Variants in SLC39A11 observed in about 807,000 individuals in gnomAD.
The protein encoded by SLC39A11 is zinc transporter ZIP11.
In SLC39A11, 33 loss-of-function variants were observed where a neutral mutation model predicts 36.1. That is an observed-to-expected ratio of 0.91 (90% CI 0.69 to 1.22). The LOEUF is 1.22. Ranked by LOEUF, SLC39A11 falls within the 50% of genes most tolerant of loss-of-function variation. SLC39A11 has a pLI of 0.00. For synonymous variants in SLC39A11, 166 were observed against 170.3 expected, an observed-to-expected ratio of 0.97 and a Z score of 0.20; for missense variants, 432 against 430.3, an observed-to-expected ratio of 1.00 and a Z score of -0.03.
intron 5 of SLC39A11, among the ~76,000 whole-genome samples, chr17:72,917,255 G>A (rs2083384936): frequency 6.6e-6 from 1 of 152,242 alleles, no homozygotes; most frequent in East Asian, 1.9e-4. Context: ...GTTGGGCCCT[G>A]AAATCATTCT....
chr17:72,659,218 C>A (rs947939524), intron 7 of SLC39A11, among the ~76,000 whole-genome samples: 3 of 152,164 alleles, frequency 2.0e-5, no homozygotes, highest in African/African-American at 7.2e-5. Context: ...CAGCAAAAGA[C>A]CTGCCTGCAA....
chr17:72,847,704 C>CA (rs964551968), intron 6 of SLC39A11, among the ~76,000 whole-genome samples: 2 of 151,520 alleles, frequency 1.3e-5, no homozygotes, highest in African/African-American at 2.4e-5. Flanking sequence ...TTAAAGACGA[C>CA]AAAAAAAAGT....
intron 7 of SLC39A11, among the ~76,000 whole-genome samples, chr17:72,734,736 G>C (rs978856051): frequency 1.3e-5 from 2 of 152,220 alleles, no homozygotes; most frequent in Non-Finnish European, 2.9e-5. Flanking sequence ...TGCCACCAGA[G>C]AGCCTGGCCT....
At chr17:72,686,798 A>C (rs1233937676) in intron 7 of SLC39A11, among the ~76,000 whole-genome samples, 1 of 152,184 alleles carries the variant, frequency 6.6e-6, no homozygotes, top group Non-Finnish European at 1.5e-5. Flanking sequence ...AAAAGATTTA[A>C]ATTAGAGTAT....
In SLC39A11 at chr17:72,779,019, C is replaced by G. The variant is rs111623079; in HGVS notation, c.602-42300G>C. Among the ~76,000 whole-genome samples the G allele has an allele frequency of 8.3e-3, 1,267 of 152,316 alleles. 19 individuals carry two copies. Among genetic ancestry groups the G allele is most frequent in the African/African-American group, 0.029 (1,202 of 41,562 alleles). On this transcript the variant is annotated intron_variant, in intron 6 of 9. Transcript: ENST00000255559. ...AACACAAGAGCTTTTACCATCCTGC[C>G]CTGATCCTGCCGAACTGAAGAACAC... is the stretch of plus-strand genomic sequence containing the variant.
chr17:72,690,105 G>A (rs769826009), intron 7 of SLC39A11, among the ~76,000 whole-genome samples: 55 of 152,264 alleles, frequency 3.6e-4, no homozygotes, highest in Non-Finnish European at 6.2e-4. Flanking sequence ...CAGGAGTGAC[G>A]CGCTGGGGCA....
At chr17:72,932,292 T>TTTATTATTA (rs544893367) in intron 5 of SLC39A11, among the ~76,000 whole-genome samples, 3 of 144,370 alleles carry the variant, frequency 2.1e-5, no homozygotes, top group Admixed American at 6.7e-5. Context: ...GACCTGTTCT[T>TTTATTATTA]TTATTATTAT....
chr17:72,873,054 C>CAAA (rs1197695347), intron 5 of SLC39A11, among the ~76,000 whole-genome samples: 3 of 52,040 alleles, frequency 5.8e-5, no homozygotes, highest in African/African-American at 2.1e-4. Context: ...GACTCCATCT[C>CAAA]AAAAAAAAAA....
intron 3 of SLC39A11, among the ~76,000 whole-genome samples, chr17:73,048,845 C>T (rs2059403966): frequency 6.6e-6 from 1 of 152,094 alleles, no homozygotes; most frequent in African/African-American, 2.4e-5. Context: ...TGAATCAAAC[C>T]CCTATGATCT....
rs111712892 is a variant in SLC39A11, at chr17:72,748,278, C to T, written c.602-11559G>A. Among the ~76,000 whole-genome samples, 192 of 151,288 alleles carry T rather than the reference C, an allele frequency of 1.3e-3. 3 individuals are homozygous for T. Among genetic ancestry groups the T allele is most frequent in the South Asian group, 2.3e-3 (11 of 4,778 alleles). ...TGGAGGTTGCAGTGAGCCGAGATCG[C>T]GCCATTGCCCTCCAGCCTGGGCAAT... On this transcript the variant is annotated intron_variant, in intron 6 of 9. Transcript: ENST00000255559.
intron 5 of SLC39A11, among the ~76,000 whole-genome samples, chr17:72,920,520 C>CT (rs1567955106): frequency 6.6e-6 from 1 of 151,628 alleles, no homozygotes; most frequent in East Asian, 1.9e-4. Context: ...ATAGAAATGC[C>CT]ACCTTCTCAG....
chr17:72,966,662 C>T (rs942805894), intron 4 of SLC39A11, among the ~76,000 whole-genome samples: 3 of 152,096 alleles, frequency 2.0e-5, no homozygotes, highest in Non-Finnish European at 4.4e-5. Context: ...CTCCACCTCC[C>T]GGGTTCACGC....
chr17:73,057,555 T>A (rs1039560380), intron 3 of SLC39A11, among the ~76,000 whole-genome samples: 1 of 152,220 alleles, frequency 6.6e-6, no homozygotes, highest in South Asian at 2.1e-4. Flanking sequence ...GAGGTCTGCT[T>A]CTTTAGCCAC....
intron 5 of SLC39A11, among the ~76,000 whole-genome samples, chr17:72,899,063 G>A (rs971141106): frequency 4.6e-5 from 7 of 152,304 alleles, no homozygotes; most frequent in Middle Eastern, 3.4e-3. Flanking sequence ...CAGGAACTCC[G>A]CTGGCTCTTA....
intron 4 of SLC39A11, among the ~76,000 whole-genome samples, chr17:72,961,275 C>T (rs984858657): frequency 6.6e-6 from 1 of 152,182 alleles, no homozygotes; most frequent in African/African-American, 2.4e-5. Flanking sequence ...AATAGGAACA[C>T]TTTTACACTG....
chr17:72,746,286 T>C (rs1014579946), intron 6 of SLC39A11, among the ~76,000 whole-genome samples: 10 of 152,066 alleles, frequency 6.6e-5, no homozygotes, highest in African/African-American at 2.2e-4. Context: ...ATGTACATTC[T>C]CAGGTCCCAA....
intron 6 of SLC39A11, among the ~76,000 whole-genome samples, chr17:72,822,516 C>T (rs1366594304): frequency 1.3e-5 from 2 of 150,838 alleles, no homozygotes; most frequent in Admixed American, 6.6e-5. Context: ...CTCAGCTTCA[C>T]GTGGCCAGTG....
intron 7 of SLC39A11, among the ~76,000 whole-genome samples, chr17:72,702,764 C>A (rs938696311): frequency 2.6e-5 from 4 of 151,768 alleles, no homozygotes; most frequent in African/African-American, 9.7e-5. Flanking sequence ...CGGTGAAACT[C>A]CGTCTCTACT....
At chr17:73,050,962 A>C (rs1049254171) in intron 3 of SLC39A11, among the ~76,000 whole-genome samples, 1 of 152,218 alleles carries the variant, frequency 6.6e-6, no homozygotes, top group Non-Finnish European at 1.5e-5. Flanking sequence ...TGGAAGAATA[A>C]GGCAAGATCC....
Sources: allele counts gnomAD v4.1 joint callset (sites outside exome capture counted in the v4.1 genomes callset), GRCh38; gene constraint gnomAD v4.1.1; transcripts MANE v1.5; gene names NCBI Gene and HGNC (gene_info 2026-07-23, HGNC 2026-07-21).